SCN11A: variants seen among roughly 807,000 people sequenced by gnomAD.
The protein encoded by SCN11A is sodium channel protein type 11 subunit alpha.
SCN11A carries 122 observed loss-of-function variants against 162.2 expected under a neutral mutation model. That is an observed-to-expected ratio of 0.75 (90% CI 0.65 to 0.87). The LOEUF (loss-of-function observed/expected upper bound fraction) is 0.87. Among genes scored for constraint, SCN11A ranks in the 40% least tolerant of loss-of-function variants. SCN11A has a pLI of 0.00. For missense variants in SCN11A, 2,015 were observed against 2,181.6 expected, an observed-to-expected ratio of 0.92 and a Z score of 1.52; for synonymous variants, 758 against 751.5, an observed-to-expected ratio of 1.01 and a Z score of -0.14.
chr3:39,020,812 C>T lies in SCN11A; in HGVS notation c.-280+11568G>A, dbSNP rs1215650464. Among the ~76,000 whole-genome samples, 3 of 152,152 alleles carry T rather than the reference C, an allele frequency of 2.0e-5. 1 individual carries two copies. Among genetic ancestry groups the T allele is most frequent in the Non-Finnish European group, 1.5e-5 (1 of 68,028 alleles). ...ATGTATTAGATTGTCCTAGCAAATG[C>T]ACTGTTCACATCCTCTAAGCAGTGG... On this transcript the variant is annotated intron_variant, in intron 2 of 29. Transcript: ENST00000302328.
At chr3:38,918,369 T>A (rs2125545637) in intron 11 of SCN11A, among the ~76,000 whole-genome samples, 1 of 152,230 alleles carries the variant, frequency 6.6e-6, no homozygotes, top group African/African-American at 2.4e-5. Context: ...CGAGTGAGCA[T>A]TACACCTGAT....
chr3:39,041,544 G>A (rs1467130382), intron 1 of SCN11A, among the ~76,000 whole-genome samples: 1 of 152,168 alleles, frequency 6.6e-6, no homozygotes, highest in East Asian at 1.9e-4. Flanking sequence ...GAGAGAATGG[G>A]ATGATATATT....
At chr3:38,973,169 C>T (rs1364820638) in intron 2 of SCN11A, among the ~76,000 whole-genome samples, 1 of 152,148 alleles carries the variant, frequency 6.6e-6, no homozygotes, top group Non-Finnish European at 1.5e-5. Context: ...GACCATGTCA[C>T]TTTTTCTAAA....
chr3:38,970,873 G>A (rs746799824), intron 2 of SCN11A, among the ~76,000 whole-genome samples: 1 of 152,134 alleles, frequency 6.6e-6, no homozygotes, highest in Non-Finnish European at 1.5e-5. Flanking sequence ...AGGTGTGGAT[G>A]CTCTTTCAGC....
chr3:38,994,211 C>A (rs2030540208), intron 2 of SCN11A, among the ~76,000 whole-genome samples: 1 of 152,192 alleles, frequency 6.6e-6, no homozygotes. Flanking sequence ...TGCAATTATT[C>A]TTATTTTTCT....
intron 2 of SCN11A, among the ~76,000 whole-genome samples, chr3:39,004,024 A>T (rs1363409212): frequency 2.6e-5 from 4 of 152,204 alleles, no homozygotes; most frequent in Non-Finnish European, 5.9e-5. Flanking sequence ...CTTAAGCTTA[A>T]TTAGATCCCA....
intron 2 of SCN11A, among the ~76,000 whole-genome samples, chr3:39,032,113 A>G (rs912609013): frequency 2.0e-5 from 3 of 152,262 alleles, no homozygotes; most frequent in African/African-American, 7.2e-5. Context: ...TGATGTGTTT[A>G]AAACAGATTG....
chr3:39,032,656 C>T (rs1169528390), intron 1 of SCN11A, among the ~76,000 whole-genome samples, 153 bp from the exon 2 acceptor site: 3 of 152,168 alleles, frequency 2.0e-5, no homozygotes, highest in African/African-American at 7.2e-5. Context: ...TTACATAAAA[C>T]TTATGAGACA....
At chr3:38,976,369 T>G (rs985337962) in intron 2 of SCN11A, among the ~76,000 whole-genome samples, 1 of 152,150 alleles carries the variant, frequency 6.6e-6, no homozygotes, top group Non-Finnish European at 1.5e-5. Flanking sequence ...GCAGCAGACT[T>G]AAGGCCTGGG....
chr3:38,982,781 G>A (rs1046471548), intron 2 of SCN11A, among the ~76,000 whole-genome samples: 1 of 152,180 alleles, frequency 6.6e-6, no homozygotes, highest in East Asian at 1.9e-4. Flanking sequence ...AGGAAGAACT[G>A]TGGACCCAGG....
intron 3 of SCN11A, among the ~76,000 whole-genome samples, chr3:38,955,394 G>A (rs966822989): frequency 6.6e-6 from 1 of 152,168 alleles, no homozygotes; most frequent in Admixed American, 6.5e-5. Context: ...ACCACATGCA[G>A]TATGCAGTAA....
rs116145855 is a variant in SCN11A, at chr3:39,045,369, T to G, written c.-404+6492A>C. On this transcript the variant is annotated intron_variant, in intron 1 of 29. Transcript: ENST00000302328. The stretch of plus-strand genomic sequence containing the variant: ...GAAAGCTACAGGTCAATATCCCTGA[T>G]GAACATAGATATAAAAATTCTCAAC... Among the ~76,000 whole-genome samples, 548 of 152,246 alleles carry G rather than the reference T, an allele frequency of 3.6e-3. 9 individuals are homozygous for G. Among genetic ancestry groups the G allele is most frequent in the African/African-American group, 0.013 (525 of 41,544 alleles).
At position 38,992,179 on chromosome 3, in the gene SCN11A, C is replaced by A. The variant is rs561398613; in HGVS notation, c.-279-31756G>T. 1.4e-4 allele frequency among the ~76,000 whole-genome samples: 22 copies of A among 152,336 alleles called. 1 individual carries two copies. In the South Asian group the frequency reaches 4.6e-3, roughly 32 times the overall value. ...CTGCTTTCCCAAAGATTCTTGAGTG[C>A]AGAAACGAAGTCCAATACATCCTTT... On this transcript the variant is annotated intron_variant, in intron 2 of 29. Transcript: ENST00000302328.
In SCN11A at chr3:38,908,113, C is replaced by T; in HGVS notation, c.1309G>A (p.Ala437Thr). ...LLKEEKEALV[A>T]MGIDRSSLTS... ...AGTGAACTTCTGTCAATTCCCATGG[C>T]AACCAGAGCCTTCAAATTGAACAAA... The change falls in exon 14 of 30, where the codon GCC (alanine) becomes ACC (threonine). Residue 437 changes from alanine to threonine, a missense_variant. By Grantham distance (58) the Ala-to-Thr change is moderately conservative. Coordinates refer to ENST00000302328, the MANE Select transcript of SCN11A (RefSeq NM_001349253.2). 1.2e-6 allele frequency: 2 copies of T among 1,610,358 alleles called. No individual in the cohort carries two copies. Among genetic ancestry groups the T allele is most frequent in the Non-Finnish European group, 1.7e-6 (2 of 1,179,224 alleles).
intron 5 of SCN11A, among the ~76,000 whole-genome samples, chr3:38,947,562 A>C (rs182158667): frequency 1.5e-3 from 222 of 152,270 alleles, no homozygotes; most frequent in African/African-American, 5.1e-3. Context: ...CCGGCCTTTT[A>C]CTGGGAAGAC....
chr3:38,876,498 A>G (rs916109086), intron 23 of SCN11A, among the ~76,000 whole-genome samples: 1 of 152,158 alleles, frequency 6.6e-6, no homozygotes, highest in African/African-American at 2.4e-5. Context: ...AAAGAACTCA[A>G]TCAAATCAGC....
intron 2 of SCN11A, among the ~76,000 whole-genome samples, chr3:38,963,387 GA>G (rs2066757022): frequency 2.1e-5 from 1 of 48,692 alleles, no homozygotes; most frequent in African/African-American, 9.7e-5. Flanking sequence ...ATATATATAT[GA>G]TGGAGATATA....
intron 9 of SCN11A, among the ~76,000 whole-genome samples, chr3:38,922,677 AAGG>A (rs201233819): frequency 0.018 from 2,747 of 151,794 alleles, 75 homozygotes; most frequent in African/African-American, 0.057. Context: ...GAAGAAGGAG[AAGG>A]AGGAGGAGGA....
intron 7 of SCN11A, among the ~76,000 whole-genome samples, chr3:38,929,974 T>G (rs2066215687): frequency 6.6e-6 from 1 of 152,226 alleles, no homozygotes; most frequent in Non-Finnish European, 1.5e-5. Flanking sequence ...CTGTGGTATT[T>G]TGTTATCACA....
Sources: allele counts gnomAD v4.1 joint callset (sites outside exome capture counted in the v4.1 genomes callset), GRCh38; gene constraint gnomAD v4.1.1; transcripts MANE v1.5; gene names NCBI Gene and HGNC (gene_info 2026-07-23, HGNC 2026-07-21).